Variants in NHSL1 observed in about 807,000 individuals in gnomAD.
The protein encoded by NHSL1 is NHS-like protein 1.
Under a neutral mutation model 95.0 loss-of-function variants are expected in NHSL1, and 48 were observed. That is an observed-to-expected ratio of 0.51 (90% CI 0.40 to 0.64). NHSL1 has a LOEUF of 0.64. NHSL1 is among the 30% of genes least tolerant of loss of function. NHSL1 has a pLI of 0.00. For missense variants in NHSL1, 1,971 were observed against 2,077.7 expected (o/e 0.95, Z 1.00); for synonymous variants, 783 against 833.9 (o/e 0.94, Z 1.05).
At chr6:138,476,504 G>C (rs902528595) in intron 2 of NHSL1, among the ~76,000 whole-genome samples, 1 of 152,070 alleles carries the variant, frequency 6.6e-6, no homozygotes, top group Non-Finnish European at 1.5e-5. Flanking sequence ...CAAAGGGAGG[G>C]AGGATGGAAG....
chr6:138,425,019 T>G (rs1297742619), intron 7 of NHSL1, among the ~76,000 whole-genome samples: 4 of 151,972 alleles, frequency 2.6e-5, no homozygotes, highest in Non-Finnish European at 5.9e-5. Context: ...CACTTGAGCT[T>G]AGGAGTTCGA....
chr6:138,568,391 A>G (rs1181767323), intron 1 of NHSL1, among the ~76,000 whole-genome samples: 1 of 152,216 alleles, frequency 6.6e-6, no homozygotes, highest in African/African-American at 2.4e-5. Flanking sequence ...AAATGCTCTC[A>G]CAACTTCACG....
chr6:138,483,957 CT>C (rs1250973355), intron 2 of NHSL1, among the ~76,000 whole-genome samples: 1 of 152,300 alleles, frequency 6.6e-6, no homozygotes, highest in East Asian at 1.9e-4. Flanking sequence ...CATTTTCCAC[CT>C]TCATTAACCC....
intron 1 of NHSL1, among the ~76,000 whole-genome samples, chr6:138,608,441 G>C (rs1027841993): frequency 6.6e-6 from 1 of 152,112 alleles, no homozygotes; most frequent in African/African-American, 2.4e-5. Flanking sequence ...AGTTGAAACA[G>C]ATAAAAAATG....
upstream of NHSL1, among the ~76,000 whole-genome samples, chr6:138,500,703 A>T (rs1004015315): frequency 2.0e-5 from 3 of 152,162 alleles, no homozygotes; most frequent in Admixed American, 2.0e-4. Flanking sequence ...AGGTCTTTTT[A>T]TGCCCTTTAT....
At chr6:138,548,635 G>T (rs911643709), upstream of NHSL1, among the ~76,000 whole-genome samples, 1 of 152,160 alleles carries the variant, frequency 6.6e-6, no homozygotes, top group African/African-American at 2.4e-5. Context: ...GCCTGTAAAT[G>T]TGAGGACTGA....
intron 1 of NHSL1, among the ~76,000 whole-genome samples, chr6:138,544,973 T>C (rs1266173067): frequency 6.8e-6 from 1 of 146,162 alleles, no homozygotes; most frequent in Non-Finnish European, 1.5e-5. Flanking sequence ...AGAAGTATGT[T>C]CTTTCTTTTC....
At chr6:138,612,604 G>A (rs1784528888) in intron 1 of NHSL1, among the ~76,000 whole-genome samples, 1 of 152,222 alleles carries the variant, frequency 6.6e-6, no homozygotes, top group Admixed American at 6.5e-5. Context: ...GGTCACCTCT[G>A]AGGAGGGGGT....
At chr6:138,512,011 T>C (rs561357336) in intron 1 of NHSL1, among the ~76,000 whole-genome samples, 3 of 152,338 alleles carry the variant, frequency 2.0e-5, no homozygotes, top group South Asian at 2.1e-4. Context: ...AAGAGTCAGA[T>C]GGATCCACTT....
intron 4 of NHSL1, chr6:138,446,744 T>C (rs755598218): frequency 1.0e-4 from 49 of 478,098 alleles, no homozygotes; most frequent in Non-Finnish European, 1.5e-4. Flanking sequence ...AAAGAGACAC[T>C]CTTAAGATGA....
chr6:138,470,849 A>G (rs12529521), intron 3 of NHSL1, among the ~76,000 whole-genome samples: 31,849 of 152,090 alleles, frequency 0.21, 3,561 homozygotes, highest in Admixed American at 0.31. Context: ...AGACCTGTCA[A>G]GGGTCCCACA....
chr6:138,631,451 C>A (rs1293133009), intron 1 of NHSL1, among the ~76,000 whole-genome samples: 1 of 152,098 alleles, frequency 6.6e-6, no homozygotes, highest in Non-Finnish European at 1.5e-5. Flanking sequence ...CAAAAGAGAC[C>A]CCTTCCTTCC....
At chr6:138,524,062 C>T (rs1781801750) in intron 1 of NHSL1, among the ~76,000 whole-genome samples, 2 of 152,040 alleles carry the variant, frequency 1.3e-5, no homozygotes, top group Admixed American at 1.3e-4. Context: ...AAGTAATTTC[C>T]AAAGGCCTTA....
chr6:138,474,837 T>G (rs1778965848), intron 2 of NHSL1, among the ~76,000 whole-genome samples: 1 of 152,200 alleles, frequency 6.6e-6, no homozygotes, highest in Non-Finnish European at 1.5e-5. Flanking sequence ...TTTCCTGAAA[T>G]AAAGAGTATG....
chr6:138,499,584 TA>T (rs1458713224), upstream of NHSL1: 2 of 360,376 alleles, frequency 5.5e-6, no homozygotes, highest in Non-Finnish European at 9.3e-6. Context: ...TCACGGTTCT[TA>T]TTTGCATGAC....
At chr6:138,576,194 G>T (rs1783969613), upstream of NHSL1, among the ~76,000 whole-genome samples, 1 of 151,982 alleles carries the variant, frequency 6.6e-6, no homozygotes, top group Non-Finnish European at 1.5e-5. Flanking sequence ...GTTTTGCCAT[G>T]TTGGCCAGTC....
At chr6:138,455,001 T>C (rs1467711314) in intron 3 of NHSL1, among the ~76,000 whole-genome samples, 1 of 152,046 alleles carries the variant, frequency 6.6e-6, no homozygotes, top group Non-Finnish European at 1.5e-5. Context: ...TATAGAGTAG[T>C]GGGATGGAAA....
chr6:138,447,255 T>C, intron 3 of NHSL1, 62 bp from the exon 4 acceptor site: 1 of 1,336,030 alleles, frequency 7.5e-7, no homozygotes, highest in Non-Finnish European at 1.0e-6. Flanking sequence ...CATTTTAAAA[T>C]ATATTTCTTA....
At chr6:138,591,101 AGCACTCAGGAG>A (rs1342635489) in intron 1 of NHSL1, among the ~76,000 whole-genome samples, 1 of 152,290 alleles carries the variant, frequency 6.6e-6, no homozygotes, top group Admixed American at 6.5e-5. Context: ...GCAAGCATGG[AGCACTCAGGAG>A]GCACTCAGAC....
Sources: gnomAD v4.1 joint callset for allele counts (sites outside exome capture counted in the v4.1 genomes callset) on GRCh38, gnomAD v4.1.1 for gene constraint, MANE v1.5 for transcripts, NCBI Gene and HGNC (gene_info 2026-07-23, HGNC 2026-07-21) for gene names.